ZNF358: variants seen among roughly 807,000 people sequenced by gnomAD.
ZNF358 encodes zinc finger protein 358.
In ZNF358, 1 loss-of-function variant was observed where a neutral mutation model predicts 2.1. That is an observed-to-expected ratio of 0.49 (90% CI 0.17 to 2.30). The LOEUF (loss-of-function observed/expected upper bound fraction) is 2.30. Among genes scored for constraint, ZNF358 ranks in the 30% most tolerant of loss-of-function variants. ZNF358 has a pLI of 0.26. For synonymous variants in ZNF358, 381 were observed against 359.7 expected (o/e 1.06, Z -0.67); for missense variants, 665 against 806.8 (o/e 0.82, Z 2.13).
At chr19:7,518,571 G>GAAAGAAAGAAAC (rs2022388982) in intron 1 of ZNF358, among the ~76,000 whole-genome samples, 1 of 142,238 alleles carries the variant, frequency 7.0e-6, no homozygotes, top group Non-Finnish European at 1.5e-5. Context: ...AAGAAAGAAA[G>GAAAGAAAGAAAC]AAAGAAAGAA....
rs1348060340 is a variant in ZNF358 at position 7,516,784 on chromosome 19, G to A, written c.-39+535G>A. ...CTCCTTTCCCTGGAGGTGATCCAGG[G>A]GTCCACCTGCCCTCACCCCTGGGAA... is the stretch of plus-strand genomic sequence containing the variant. On this transcript the variant is annotated intron_variant, in intron 1 of 1. Transcript: ENST00000597229. This position sits in a 1 kb window ranked among gnomAD's most constrained non-coding sequence, Gnocchi z 5.9. 6.6e-6 allele frequency among the ~76,000 whole-genome samples: 1 copy of A among 151,982 alleles called. No homozygotes were observed. The highest frequency in any genetic ancestry group is 1.5e-5 in the Non-Finnish European group (1 of 67,962).
rs927652472 is a variant in ZNF358, at chr19:7,519,848, T to C, written c.606T>C (p.Thr202=). Residue 202 remains threonine, a synonymous_variant, in exon 2 of 2, where the codon ACT becomes ACC. Transcript: ENST00000597229. Reference sequence around the variant, plus strand: ...TGGCTCAGCACCGTGGCATCCACACTGGGGCGCGGCCGTACCAGTGCGCGG... The same window carrying C: ...TGGCTCAGCACCGTGGCATCCACACCGGGGCGCGGCCGTACCAGTGCGCGG... ...ATLAQHRGIH[T]GARPYQCAAC... 1 of 1,530,430 alleles carries C rather than the reference T, an allele frequency of 6.5e-7. No homozygotes were observed. Among genetic ancestry groups the C allele is most frequent in the African/African-American group, 1.4e-5 (1 of 72,170 alleles). 94.8% of individuals were successfully genotyped at this position (1,530,430 alleles called of 1,614,324 possible).
intron 1 of ZNF358, among the ~76,000 whole-genome samples, chr19:7,517,644 C>T (rs1003980459): frequency 6.6e-5 from 10 of 152,252 alleles, no homozygotes; most frequent in Middle Eastern, 3.4e-3. Context: ...CCTACCCATC[C>T]CTCCTCACCA....
In ZNF358 at chr19:7,516,108, TCGCTCCCCGGGAG is replaced by T. The variant is rs2022333309; in HGVS notation, c.-176_-164del. ...CGCTGCGGCCCTCGGCCGGCCCCTC[TCGCTCCCCGGGAG>T]CGCCTGGCGGGGCCGCTGGGCCGAG... On this transcript the variant is annotated 5_prime_UTR_variant, in exon 1 of 2. Transcript: ENST00000597229. This position sits in a 1 kb window ranked among gnomAD's most constrained non-coding sequence, Gnocchi z 5.9. 1 of 124,100 alleles carries T rather than the reference TCGCTCCCCGGGAG, an allele frequency of 8.1e-6. No homozygotes were observed. The highest frequency in any genetic ancestry group is 1.7e-5 in the Non-Finnish European group (1 of 59,496). 7.7% of individuals were successfully genotyped at this position (124,100 alleles called of 1,614,324 possible).
Position 7,520,713 on chromosome 19 carries a change from G to A in ZNF358, c.1471G>A (p.Val491Met). ...CAGATCCACCCCCAGCCCTACTCCT[G>A]TGGAATCTTCTGACCCAAAGGCTGG... ...GSRSTPSPTPVESSDPKAGHD... is the reference protein window; with the variant it reads ...GSRSTPSPTPMESSDPKAGHD... The change falls in exon 2 of 2, where the codon GTG becomes ATG. Residue 491 changes from valine to methionine, a missense_variant. Transcript: ENST00000597229. This position sits in a 1 kb window ranked among gnomAD's most constrained non-coding sequence, Gnocchi z 6.0. The A allele has an allele frequency of 6.2e-7, 1 of 1,613,790 alleles. No individual in the cohort carries two copies. The highest frequency in any genetic ancestry group is 8.5e-7 in the Non-Finnish European group (1 of 1,179,984).
chr19:7,517,716 G>A (rs1416632727), intron 1 of ZNF358, among the ~76,000 whole-genome samples: 6 of 152,104 alleles, frequency 3.9e-5, no homozygotes, highest in African/African-American at 1.4e-4. Flanking sequence ...GGGCATTTCC[G>A]ATCTGTCTAA....
intron 1 of ZNF358, among the ~76,000 whole-genome samples, chr19:7,518,436 C>T (rs1030033429): frequency 6.8e-6 from 1 of 147,802 alleles, no homozygotes; most frequent in Non-Finnish European, 1.5e-5. Context: ...CATAGCGACA[C>T]CCCATCTCAA....
chr19:7,518,286 C>T (rs2022375234), intron 1 of ZNF358, among the ~76,000 whole-genome samples: 1 of 152,068 alleles, frequency 6.6e-6, no homozygotes, highest in African/African-American at 2.4e-5. Context: ...CAGTCAGAGA[C>T]AAGGGAAGGA....
chr19:7,521,021 T>G lies in ZNF358; in HGVS notation c.*72T>G. On this transcript the variant is annotated 3_prime_UTR_variant, in exon 2 of 2. Transcript: ENST00000597229. ...CAGTCAGTAAAATCCTCCCACTGCC[T>G]CCGGGCTCTGTGTCGTGGCTTGCCT... 1 of 1,553,328 alleles carries G rather than the reference T, an allele frequency of 6.4e-7. No individual in the cohort carries two copies. The highest frequency in any genetic ancestry group is 8.7e-7 in the Non-Finnish European group (1 of 1,147,540).
At position 7,519,215 on chromosome 19, in the gene ZNF358, A is replaced by C; in HGVS notation, c.-28A>C. 1 of 1,602,960 alleles carries C rather than the reference A, an allele frequency of 6.2e-7. No homozygotes were observed. Among genetic ancestry groups the C allele is most frequent in the East Asian group, 2.2e-5 (1 of 44,802 alleles). On this transcript the variant is annotated 5_prime_UTR_variant, in exon 2 of 2. Transcript: ENST00000597229. Reference sequence around the variant, plus strand: ...TCCTTGCCCTTGCAGGTCTTGCCCCAGAAGCTGCGGGCACATCCACGCCTG... The same window carrying C: ...TCCTTGCCCTTGCAGGTCTTGCCCCCGAAGCTGCGGGCACATCCACGCCTG...
rs1419177964 is a variant in ZNF358, at chr19:7,520,990, G to C, written c.*41G>C. 6.3e-7 allele frequency: 1 copy of C among 1,591,518 alleles called. No homozygotes were observed. Among genetic ancestry groups the C allele is most frequent in the Admixed American group, 1.7e-5 (1 of 57,612 alleles). On this transcript the variant is annotated 3_prime_UTR_variant, in exon 2 of 2. Coordinates refer to ENST00000597229, the MANE Select transcript of ZNF358 (RefSeq NM_018083.5). This position sits in a 1 kb window ranked among gnomAD's most constrained non-coding sequence, Gnocchi z 6.0. ...CCTCGGGGGCCTGGGGAAGTTGTGT[G>C]TTGTGCAGTCAGTAAAATCCTCCCA...
chr19:7,519,805 T>G lies in ZNF358; in HGVS notation c.563T>G (p.Phe188Cys). The part of the protein sequence containing the change: ...PYRCPDCGKS[F>C]SHGATLAQHR... ...CGCTGCCCCGACTGCGGGAAGTCCT[T>G]CAGCCACGGTGCCACCCTGGCTCAG... Residue 188 changes from phenylalanine to cysteine, a missense_variant, in exon 2 of 2, where the codon TTC (phenylalanine) becomes TGC (cysteine). Coordinates refer to ENST00000597229, the MANE Select transcript of ZNF358 (RefSeq NM_018083.5). The G allele has an allele frequency of 6.5e-7, 1 of 1,530,336 alleles. No individual in the cohort carries two copies. Among genetic ancestry groups the G allele is most frequent in the Non-Finnish European group, 8.7e-7 (1 of 1,144,604 alleles). 94.8% of individuals were successfully genotyped at this position (1,530,336 alleles called of 1,614,324 possible).
Position 7,516,511 on chromosome 19 carries a change from G to T in ZNF358, c.-39+262G>T, listed in dbSNP as rs1364538475. Among the ~76,000 whole-genome samples the T allele has an allele frequency of 6.6e-6, 1 of 151,936 alleles. No individual in the cohort carries two copies. Among genetic ancestry groups the T allele is most frequent in the Non-Finnish European group, 1.5e-5 (1 of 67,942 alleles). On this transcript the variant is annotated intron_variant, in intron 1 of 1. Transcript: ENST00000597229. The surrounding 1 kb of genome is among the most constrained non-coding windows in gnomAD (Gnocchi z 5.9). Reference sequence around the variant, plus strand: ...CAGGAGGTTGGGAGCCTTCAATCGGGCGGGGTGGGGGGCGCCCGCCAGCTC... The same window carrying T: ...CAGGAGGTTGGGAGCCTTCAATCGGTCGGGGTGGGGGGCGCCCGCCAGCTC...
At chr19:7,519,162 A>G in intron 1 of ZNF358, 43 bp from the exon 2 acceptor site, 1 of 1,517,126 alleles carries the variant, frequency 6.6e-7, no homozygotes, top group Non-Finnish European at 8.8e-7. Flanking sequence ...CCCCGCTCCC[A>G]CAGAACCCAC....
At chr19:7,518,160 G>T (rs747229362) in intron 1 of ZNF358, among the ~76,000 whole-genome samples, 1 of 152,232 alleles carries the variant, frequency 6.6e-6, no homozygotes, top group East Asian at 1.9e-4. Context: ...GAAACCTCTA[G>T]TGCTGGGTCT....
rs200396256 is a variant in ZNF358, at chr19:7,519,416, C to T, written c.174C>T (p.Asp58=). ...TCAACACTGTCCCGGAAGACGTGGA[C>T]CCCAGCTATGAAGATCTGGAGCCCG... is the stretch of plus-strand genomic sequence containing the variant. The part of the protein sequence containing the change: ...EDLNTVPEDV[D]PSYEDLEPVS... Residue 58 remains aspartate, a synonymous_variant, in exon 2 of 2, where the codon GAC becomes GAT. Transcript: ENST00000597229. 132 of 1,614,118 alleles carry T rather than the reference C, an allele frequency of 8.2e-5. No homozygotes were observed. Among genetic ancestry groups the T allele is most frequent in the Non-Finnish European group, 1.1e-4 (126 of 1,180,012 alleles).
In ZNF358 at chr19:7,520,473, G is replaced by C. The variant is rs555910869; in HGVS notation, c.1231G>C (p.Ala411Pro). The C allele has an allele frequency of 8.0e-7, 1 of 1,251,026 alleles. No individual in the cohort carries two copies. The highest frequency in any genetic ancestry group is 1.1e-6 in the Non-Finnish European group (1 of 934,910). The allele number at this position is 1,251,026 out of a possible 1,614,324, so 77.5% of individuals were successfully genotyped here. ...AAAAAAAAAA[A>P]AAAAAGLGLG... ...TGCTGCAGCTGCCGCGGCCGCTGCA[G>C]CTGCAGCAGCGGCCGCCGGCCTGGG... Residue 411 changes from alanine to proline, a missense_variant, in exon 2 of 2, where the codon GCT becomes CCT. Transcript: ENST00000597229. This position sits in a 1 kb window ranked among gnomAD's most constrained non-coding sequence, Gnocchi z 6.0.
At chr19:7,515,687 C>G (rs1274686437), upstream of ZNF358, among the ~76,000 whole-genome samples, 2 of 151,730 alleles carry the variant, frequency 1.3e-5, no homozygotes, top group Non-Finnish European at 2.9e-5. Context: ...CAGACAGACA[C>G]AGAGAGAGAT....
chr19:7,518,518 A>AGAAG (rs951489028), intron 1 of ZNF358, among the ~76,000 whole-genome samples: 2 of 137,754 alleles, frequency 1.5e-5, no homozygotes, highest in Non-Finnish European at 3.1e-5. Flanking sequence ...AGGAAGGAAA[A>AGAAG]GAAGGAAGGA....
Sources: allele counts gnomAD v4.1 joint callset (sites outside exome capture counted in the v4.1 genomes callset), GRCh38; gene constraint gnomAD v4.1.1; non-coding constraint Gnocchi (gnomAD v3.1); transcripts MANE v1.5; gene names NCBI Gene and HGNC (gene_info 2026-07-23, HGNC 2026-07-21).